TPM4: variants seen among roughly 807,000 people sequenced by gnomAD.
The protein encoded by TPM4 is tropomyosin 4.
In TPM4, 17 loss-of-function variants were observed where a neutral mutation model predicts 35.8. The ratio of observed to expected loss-of-function variants is 0.47; its 90% confidence interval spans 0.32 to 0.71. The LOEUF (loss-of-function observed/expected upper bound fraction) is 0.71. TPM4 is among the 30% of genes least tolerant of loss of function. TPM4 has a pLI of 0.03. For missense variants in TPM4, 240 were observed against 320.9 expected (o/e 0.75, Z 1.93); for synonymous variants, 120 against 122.9 (o/e 0.98, Z 0.15).
intron 2 of TPM4, among the ~76,000 whole-genome samples, chr19:16,068,256 C>A (rs1458798060): frequency 6.6e-6 from 1 of 151,678 alleles, no homozygotes; most frequent in African/African-American, 2.4e-5. Flanking sequence ...CGGATCACTG[C>A]AACCTCCGCC....
chr19:16,091,387 A>G (rs1448413652), intron 5 of TPM4, among the ~76,000 whole-genome samples: 1 of 152,144 alleles, frequency 6.6e-6, no homozygotes, highest in Non-Finnish European at 1.5e-5. Context: ...AGTCGAGTCT[A>G]GTGGAAGGGA....
chr19:16,084,028 G>A (rs2090518723), intron 2 of TPM4, among the ~76,000 whole-genome samples: 3 of 152,052 alleles, frequency 2.0e-5, no homozygotes, highest in South Asian at 2.1e-4. Flanking sequence ...CTGGGTTCAC[G>A]ACATTCTCCT....
At chr19:16,099,166 G>A (rs906873445) in intron 7 of TPM4, among the ~76,000 whole-genome samples, 7 of 151,932 alleles carry the variant, frequency 4.6e-5, no homozygotes, top group African/African-American at 1.7e-4. Flanking sequence ...TGCAGTGTCC[G>A]CCTCCCGGGT....
chr19:16,075,904 C>A (rs2090398227), upstream of TPM4: 3 of 1,226,750 alleles, frequency 2.4e-6, no homozygotes, highest in Non-Finnish European at 3.3e-6. Flanking sequence ...TGCATGCTAT[C>A]GCAACCCCTG....
rs1324741463 is a variant in TPM4, at chr19:16,067,738, G to A, written c.114G>A (p.Gln38=). Residue 38 remains glutamine (Q), a splice_region_variant and synonymous_variant, in exon 2 of 3, where the codon CAG becomes CAA. Transcript: ENST00000589897. This position sits in a 1 kb window ranked among gnomAD's most constrained non-coding sequence, Gnocchi z 4.1. ...AAGCCGCTGAGGACAAGTGCAAGCAGGTGAGGTGCCCTCCGCTGGGCCGCT... is the reference window on the plus strand; with the variant it reads ...AAGCCGCTGAGGACAAGTGCAAGCAAGTGAGGTGCCCTCCGCTGGGCCGCT... 4 of 1,611,600 alleles carry A rather than the reference G, an allele frequency of 2.5e-6. No homozygotes were observed. The highest frequency in any genetic ancestry group is 1.7e-4 in the Middle Eastern group (1 of 6,054).
At position 16,076,649 on chromosome 19, in the gene TPM4, G is replaced by A. The variant is rs1160977570; in HGVS notation, c.84G>A (p.Ala28=). The part of the protein sequence containing the change: ...QQQADEAEDR[A]QGLQRELDGE... The stretch of plus-strand genomic sequence containing the variant: ...AGGCGGACGAGGCGGAAGACCGCGC[G>A]CAGGGCCTGCAGCGGGAGCTGGACG... Residue 28 remains alanine, a synonymous_variant, in exon 1 of 8, where the codon GCG becomes GCA. Transcript: ENST00000643579. The A allele has an allele frequency of 2.1e-6, 3 of 1,433,968 alleles. No individual in the cohort carries two copies. Among genetic ancestry groups the A allele is most frequent in the Admixed American group, 2.9e-5 (1 of 34,950 alleles). 88.8% of individuals were successfully genotyped at this position (1,433,968 alleles called of 1,614,324 possible).
At chr19:16,093,971 T>G (rs1052911804) in intron 7 of TPM4, among the ~76,000 whole-genome samples, 2 of 146,934 alleles carry the variant, frequency 1.4e-5, no homozygotes, top group East Asian at 2.0e-4. Flanking sequence ...TTTTTTTTTT[T>G]TTTCTATGAG....
At chr19:16,095,555 G>T (rs913784699) in intron 7 of TPM4, 7 of 1,013,708 alleles carry the variant, frequency 6.9e-6, no homozygotes, top group Non-Finnish European at 7.1e-6. Flanking sequence ...CCTTTGAGCT[G>T]TAGCTGTGTG....
At chr19:16,086,886 T>C (rs2090561399) in intron 3 of TPM4, among the ~76,000 whole-genome samples, 3 of 152,110 alleles carry the variant, frequency 2.0e-5, no homozygotes, top group African/African-American at 7.2e-5. Flanking sequence ...CCTCCCTCGA[T>C]GGCTCGGCTC....
intron 1 of TPM4, chr19:16,081,286 C>T (rs1017184051): frequency 1.3e-5 from 5 of 384,286 alleles, no homozygotes; most frequent in African/African-American, 6.2e-5. Context: ...CTTAGCCTAA[C>T]GTTGGGTCTA....
At position 16,088,988 on chromosome 19, in the gene TPM4, C is replaced by T. The variant is rs953405844; in HGVS notation, c.456-57C>T. The T allele has an allele frequency of 2.3e-5, 37 of 1,610,844 alleles. No homozygotes were observed. In the African/African-American group the frequency reaches 4.4e-4, roughly 19 times the overall value. On this transcript the variant is annotated intron_variant, in intron 4 of 7. Transcript: ENST00000643579. ...GGAAAATTTATTGTTGGGGCGATTG[C>T]TATTATTGCCGGCTGTAAGGGAAGA...
intron 2 of TPM4, chr19:16,068,102 C>T (rs2090316163): frequency 8.7e-6 from 3 of 345,694 alleles, no homozygotes; most frequent in Non-Finnish European, 1.6e-5. Context: ...TGTGTTTGAG[C>T]GTATGTGTGT....
In TPM4 at chr19:16,067,874, G is replaced by A. The variant is rs1480591512; in HGVS notation, c.114+136G>A. The A allele has an allele frequency of 3.5e-5, 28 of 792,072 alleles. No homozygotes were observed. Among genetic ancestry groups the A allele is most frequent in the Non-Finnish European group, 5.0e-5 (26 of 518,526 alleles). 49.1% of individuals were successfully genotyped at this position (792,072 alleles called of 1,614,324 possible). On this transcript the variant is annotated intron_variant, in intron 2 of 2. Transcript: ENST00000589897. The surrounding 1 kb of genome is among the most constrained non-coding windows in gnomAD (Gnocchi z 4.1). ...GCTGATGCTTTGGCGGAGGAAGAGC[G>A]AGGGGACCATTGCCTTCCTTGGATG...
Position 16,076,557 on chromosome 19 carries a change from C to T in TPM4, c.-9C>T. Reference sequence around the variant, plus strand: ...CGCCGCTGCCCGTGCGCCTCTGCGCCTCCGCGCCATGGCCGGCCTCAACTC... The same window carrying T: ...CGCCGCTGCCCGTGCGCCTCTGCGCTTCCGCGCCATGGCCGGCCTCAACTC... On this transcript the variant is annotated 5_prime_UTR_variant, in exon 1 of 8. Coordinates refer to ENST00000643579, the MANE Select transcript of TPM4 (RefSeq NM_003290.3). 1 of 1,457,448 alleles carries T rather than the reference C, an allele frequency of 6.9e-7. No homozygotes were observed. 90.3% of individuals were successfully genotyped at this position (1,457,448 alleles called of 1,614,324 possible). A position where few individuals can be genotyped will look rare whatever the true frequency, so the allele number is the denominator to read the frequency against.
In TPM4 at chr19:16,099,888, G is replaced by C. The variant is rs1568313635; in HGVS notation, c.665-1376G>C. 3 of 151,858 alleles carry C rather than the reference G, an allele frequency of 2.0e-5. No homozygotes were observed. The East Asian group carries it at 5.8e-4, about 29-fold the overall frequency. The allele number at this position is 151,858 out of a possible 1,614,324, so 9.4% of individuals were successfully genotyped here. A position where few individuals can be genotyped will look rare whatever the true frequency, so the allele number is the denominator to read the frequency against. On this transcript the variant is annotated intron_variant, in intron 7 of 7. Coordinates refer to ENST00000643579, the MANE Select transcript of TPM4 (RefSeq NM_003290.3). ...TGGCTTAAATTTCGCATTTACCTGG[G>C]GTTTGTCTCCGTTCTCCTGGATTCA...
chr19:16,078,060 A>C (rs2041186760), intron 1 of TPM4: 1 of 398,066 alleles, frequency 2.5e-6, no homozygotes, highest in Non-Finnish European at 4.4e-6. Context: ...AGCGTGAGCC[A>C]CGGCGCCCAG....
chr19:16,073,381 CG>C (rs1452594281), upstream of TPM4, among the ~76,000 whole-genome samples: 3 of 152,172 alleles, frequency 2.0e-5, no homozygotes, highest in African/African-American at 7.2e-5. Flanking sequence ...ACCTATGAAA[CG>C]TCTTTAAGGA....
At chr19:16,077,927 A>AT in intron 1 of TPM4, 2 of 334,304 alleles carry the variant, frequency 6.0e-6, no homozygotes, top group Non-Finnish European at 1.1e-5. Flanking sequence ...ACGCCCAGCT[A>AT]ATTTTTTTTT....
chr19:16,095,358 G>T (rs946231293), intron 7 of TPM4: 2 of 1,035,962 alleles, frequency 1.9e-6, no homozygotes, highest in African/African-American at 3.4e-5. Flanking sequence ...AGGCAGCCAG[G>T]TCGCTGCCCT....
Sources: allele counts gnomAD v4.1 joint callset (sites outside exome capture counted in the v4.1 genomes callset), GRCh38; gene constraint gnomAD v4.1.1; non-coding constraint Gnocchi (gnomAD v3.1); transcripts MANE v1.5; gene names NCBI Gene and HGNC (gene_info 2026-07-23, HGNC 2026-07-21).